DBR1: variants seen among roughly 807,000 people sequenced by gnomAD.
The protein encoded by DBR1 is debranching RNA lariats 1, also known as lariat debranching enzyme.
DBR1 carries 33 observed loss-of-function variants against 45.9 expected under a neutral mutation model. The ratio of observed to expected loss-of-function variants is 0.72; its 90% CI spans 0.55 to 0.96. DBR1 has a LOEUF of 0.96. Ranked by LOEUF, DBR1 falls within the 40% of genes least tolerant of loss-of-function variation. The pLI is 0.00. For synonymous variants in DBR1, 235 were observed against 235.9 expected, an observed-to-expected ratio of 1.00 and a Z score of 0.04; for missense variants, 619 against 667.4, an observed-to-expected ratio of 0.93 and a Z score of 0.80.
intron 5 of DBR1, among the ~76,000 whole-genome samples, chr3:138,165,669 C>T (rs2042926852): frequency 6.6e-6 from 1 of 151,718 alleles, no homozygotes; most frequent in South Asian, 2.1e-4. Flanking sequence ...GTGGAGCTTG[C>T]AGTGAGTGGA....
In DBR1 at chr3:138,167,304, A is replaced by G; in HGVS notation, c.491T>C (p.Leu164Pro). 2 of 1,582,338 alleles carry G rather than the reference A, an allele frequency of 1.3e-6. No homozygotes were observed. The highest frequency in any genetic ancestry group is 1.2e-5 in the South Asian group (1 of 85,232). The change falls in exon 5 of 8, where the codon CTG becomes CCG. Residue 164 changes from leucine to proline, a missense_variant and splice_region_variant. By Grantham distance (98) the Leu-to-Pro change is moderately conservative. Transcript: ENST00000260803. ...RNIEVYKLKQ[L>P]KQPIDIFLSH... ...CAAGAATATATCTATAGGCTGCTTC[A>G]GCTTTCAAAAGAGAAAAAGAGAAAG...
rs369812782 is a variant in DBR1, at chr3:138,162,273, G to A, written c.1251C>T (p.Asp417=). The change falls in exon 8 of 8, where the codon GAC becomes GAT. Residue 417 remains aspartate, a synonymous_variant. Transcript: ENST00000260803. ...GATTAATAGAAGACAGAGCAGATGT[G>A]TCTGTATTATATTCACTCTGGTCTT... ...SGEDQSEYNT[D]TSALSSINPD... 2 of 1,613,886 alleles carry A rather than the reference G, an allele frequency of 1.2e-6. No homozygotes were observed. The highest frequency in any genetic ancestry group is 2.7e-5 in the African/African-American group (2 of 75,014).
In DBR1 at chr3:138,167,167, CA is replaced by C; in HGVS notation, c.627del (p.Ala210ProfsTer5). On this transcript the variant is annotated frameshift_variant, in exon 5 of 8. Transcript: ENST00000260803. LOFTEE classifies it high-confidence loss of function. ...EVENNTLGSP[A>X]ASELLEHLKP... The stretch of plus-strand genomic sequence containing the variant: ...TTGAGATGCTCTAAAAGCTCTGAGG[CA>C]GCTGGACTTCCTAATGTGTTATTTT... 6.2e-7 allele frequency: 1 copy of C among 1,614,162 alleles called. No individual in the cohort carries two copies. The highest frequency in any genetic ancestry group is 1.6e-4 in the Middle Eastern group (1 of 6,062).
chr3:138,170,153 C>T lies in DBR1; in HGVS notation c.443G>A (p.Arg148Lys). ...ECPPYNSSTI[R>K]SIYHVRNIEV... ...AATATTTCTCACATGATATATACTC[C>T]TGATTGTAGATGAATTATAAGGGGG... The change falls in exon 4 of 8, where the codon AGG becomes AAG. Residue 148 changes from arginine (R) to lysine (K), a missense_variant. Around this residue, in one of 3 missense-constraint regions of DBR1, gnomAD observed 430 missense variants for 447.7 expected, o/e 0.96. Transcript: ENST00000260803. The T allele has an allele frequency of 6.3e-7, 1 of 1,599,564 alleles. No homozygotes were observed. The highest frequency in any genetic ancestry group is 2.2e-5 in the East Asian group (1 of 44,682).
rs2042916986 is a variant in DBR1, at chr3:138,163,450, T to A, written c.840A>T (p.Glu280Asp). ...GAATAGTGAGCCATTCAATATCATA[T>A]TCCAAGTAATCAGGAGCACTGGGGT... ...EHDPSAPDYLEYDIEWLTILR... is the reference protein window; with the variant it reads ...EHDPSAPDYLDYDIEWLTILR... The change falls in exon 7 of 8, where the codon GAA becomes GAT. Residue 280 changes from glutamate (E) to aspartate (D), a missense_variant. Glu to Asp is a conservative substitution (Grantham distance 45, BLOSUM62 2). Transcript: ENST00000260803. 1 of 1,611,884 alleles carries A rather than the reference T, an allele frequency of 6.2e-7. No individual in the cohort carries two copies. Among genetic ancestry groups the A allele is most frequent in the Non-Finnish European group, 8.5e-7 (1 of 1,178,152 alleles).
chr3:138,172,975 TGTA>T, intron 2 of DBR1, among the ~76,000 whole-genome samples: 1 of 152,014 alleles, frequency 6.6e-6, no homozygotes, highest in East Asian at 1.9e-4. Flanking sequence ...ATAACAGTAC[TGTA>T]GTAGTATTTT....
chr3:138,173,829 G>A (rs974459931), intron 1 of DBR1, among the ~76,000 whole-genome samples: 2 of 152,150 alleles, frequency 1.3e-5, no homozygotes, highest in Admixed American at 6.5e-5. Flanking sequence ...CTGAGGTCAG[G>A]AGTTCGAGAC....
At position 138,174,762 on chromosome 3, in the gene DBR1, C is replaced by CG; in HGVS notation, c.33dup (p.Glu12ArgfsTer4). On this transcript the variant is annotated frameshift_variant, in exon 1 of 8. Transcript: ENST00000260803. LOFTEE classifies it high-confidence loss of function. Reference sequence around the variant, plus strand: ...AGCGTCTCATAGATCTTATCCAGCTCGCCGTGGCAGCAGCCAGCCACAGCC... The same window carrying CG: ...AGCGTCTCATAGATCTTATCCAGCTCGGCCGTGGCAGCAGCCAGCCACAGCC... The CG allele has an allele frequency of 6.2e-7, 1 of 1,611,834 alleles. No individual in the cohort carries two copies. The highest frequency in any genetic ancestry group is 2.2e-5 in the East Asian group (1 of 44,860).
intron 3 of DBR1, 101 bp downstream of exon 3, chr3:138,171,532 G>A (rs1200038468): frequency 3.2e-5 from 14 of 443,528 alleles, no homozygotes; most frequent in African/African-American, 1.3e-4. Flanking sequence ...AAACTATATC[G>A]AGGATACAAA....
Position 138,162,298 on chromosome 3 carries a change from T to A in DBR1, c.1226A>T (p.Glu409Val). The A allele has an allele frequency of 3.7e-6, 6 of 1,614,068 alleles. No homozygotes were observed. The highest frequency in any genetic ancestry group is 5.1e-6 in the Non-Finnish European group (6 of 1,179,890). The stretch of plus-strand genomic sequence containing the variant: ...GTCTGTATTATATTCACTCTGGTCT[T>A]CTCCAGAGTCATTACTCTCCACATC... ...QDDVESNDSG[E>V]DQSEYNTDTS... The change falls in exon 8 of 8, where the codon GAA becomes GTA. Residue 409 changes from glutamate to valine, a missense_variant. Around this residue, in one of 3 missense-constraint regions of DBR1, gnomAD observed 182 missense variants for 196.1 expected, o/e 0.93. Transcript: ENST00000260803.
rs1343777404 is a variant in DBR1 at position 138,162,545 on chromosome 3, C to A, written c.979G>T (p.Val327Leu). 2 of 1,612,864 alleles carry A rather than the reference C, an allele frequency of 1.2e-6. No individual in the cohort carries two copies. The highest frequency in any genetic ancestry group is 3.3e-5 in the Admixed American group (2 of 60,020). The change falls in exon 8 of 8, where the codon GTA becomes TTA. Residue 327 changes from valine (V) to leucine (L), a missense_variant. Val to Leu is a conservative substitution (Grantham distance 32). This residue lies in a region of DBR1 where 430 missense variants were observed against 447.7 expected (regional missense o/e 0.96). Transcript: ENST00000260803. ...YSATEEGMKE[V>L]LEKLNHDLKV... ...AGATCATGATTCAATTTTTCCAATA[C>A]TTCTTTCATACCTTCTTCTGTTGCA...
chr3:138,174,113 C>T (rs1028673362), intron 1 of DBR1, among the ~76,000 whole-genome samples: 16 of 151,826 alleles, frequency 1.1e-4, no homozygotes, highest in Non-Finnish European at 2.1e-4. Context: ...CAAGTCAGTG[C>T]CCGTTCAATT....
chr3:138,174,282 C>T lies in DBR1; in HGVS notation c.197+317G>A, dbSNP rs79428425. ...GCTATCTAAACCTGTCAGCTTCTTC[C>T]TCCAGGTTATCCCCTCCCAGGCTTC... On this transcript the variant is annotated intron_variant, in intron 1 of 7. Coordinates refer to ENST00000260803, the MANE Select transcript of DBR1 (RefSeq NM_016216.4). 2.6e-5 allele frequency among the ~76,000 whole-genome samples: 4 copies of T among 152,242 alleles called. No individual in the cohort carries two copies. The East Asian group carries it at 7.7e-4, about 29-fold the overall frequency.
intron 7 of DBR1, 68 bp downstream of exon 7, chr3:138,163,281 C>T (rs1206924299): frequency 6.6e-7 from 1 of 1,526,512 alleles, no homozygotes; most frequent in Non-Finnish European, 9.0e-7. Context: ...CAAAACAAAA[C>T]AAAGGTGGGA....
chr3:138,168,955 C>T (rs2042942796), intron 4 of DBR1, among the ~76,000 whole-genome samples: 2 of 150,904 alleles, frequency 1.3e-5, no homozygotes, highest in Non-Finnish European at 2.9e-5. Context: ...AGAGTGAGAC[C>T]TTGTCTCAAA....
In DBR1 at chr3:138,173,542, T is replaced by C. The variant is rs758811303; in HGVS notation, c.282A>G (p.Leu94=). The C allele has an allele frequency of 3.7e-6, 6 of 1,614,000 alleles. No individual in the cohort carries two copies. In the South Asian group the frequency reaches 6.6e-5, roughly 18 times the overall value. Residue 94 remains leucine (L), a synonymous_variant, in exon 2 of 8, where the codon TTA becomes TTG. Transcript: ENST00000260803. ...NHEASNHLQE[L]PYGGWVAPNI... ...TTGGTGCCACCCAGCCACCATAGGG[T>C]AACTCTTGCAAATGATTTGAGGCTT...
chr3:138,169,891 C>T (rs1265322368), intron 4 of DBR1, among the ~76,000 whole-genome samples: 1 of 151,936 alleles, frequency 6.6e-6, no homozygotes, highest in African/African-American at 2.4e-5. Context: ...CGAGATCGCG[C>T]CACTGCACTT....
At chr3:138,164,863 C>G (rs183031612) in intron 5 of DBR1, among the ~76,000 whole-genome samples, 95 of 152,248 alleles carry the variant, frequency 6.2e-4, no homozygotes, top group African/African-American at 2.3e-3. Context: ...GCCAGACTGG[C>G]CTCGAACTCC....
At chr3:138,171,418 T>G in intron 3 of DBR1, 1 of 340,848 alleles carries the variant, frequency 2.9e-6, no homozygotes. Context: ...GAGGTTGTAG[T>G]GAGCCGAGAT....
Sources: gnomAD v4.1 joint callset for allele counts (sites outside exome capture counted in the v4.1 genomes callset) on GRCh38, gnomAD v4.1.1 for gene constraint, gnomAD v4.1.1 regional missense constraint, MANE v1.5 for transcripts, NCBI Gene and HGNC (gene_info 2026-07-23, HGNC 2026-07-21) for gene names.